INSL6: variants seen among roughly 807,000 people sequenced by gnomAD.
INSL6 encodes the protein insulin like 6.
INSL6 carries 16 observed loss-of-function variants against 9.4 expected under a neutral mutation model. The ratio of observed to expected loss-of-function variants is 1.70; its 90% CI spans 1.15 to 2.59. The LOEUF (loss-of-function observed/expected upper bound fraction) is 2.59, where lower values mean the gene tolerates loss of function less well. INSL6 is among the 30% of genes most tolerant of loss of function. INSL6 has a pLI of 0.00. For missense variants in INSL6, 391 were observed against 257.3 expected, an observed-to-expected ratio of 1.52 and a Z score of -3.56; for synonymous variants, 154 against 96.9, an observed-to-expected ratio of 1.59 and a Z score of -3.46.
chr9:5,055,803 T>A, the INSL6 span: 1 of 1,602,142 alleles, frequency 6.2e-7, no homozygotes, highest in East Asian at 2.2e-5. Context: ...GTTTGCTTTA[T>A]GATTGAATAA....
At chr9:5,066,185 A>G in the INSL6 span, among the ~76,000 whole-genome samples, 1 of 152,158 alleles carries the variant, frequency 6.6e-6, no homozygotes, top group Admixed American at 6.5e-5. Context: ...GAAAACATAA[A>G]AAATTTTAAA....
chr9:5,085,048 C>T, the INSL6 span: 4 of 766,102 alleles, frequency 5.2e-6, no homozygotes, highest in South Asian at 5.3e-5. Context: ...GCGTCTCTTT[C>T]TGGGGATGAG....
At chr9:5,056,930 G>C in the INSL6 span, among the ~76,000 whole-genome samples, 1 of 152,240 alleles carries the variant, frequency 6.6e-6, no homozygotes, top group African/African-American at 2.4e-5. Flanking sequence ...TCAAATGCAT[G>C]CTTTGAAAAC....
chr9:5,017,733 T>G, the INSL6 span, among the ~76,000 whole-genome samples: 1 of 152,248 alleles, frequency 6.6e-6, no homozygotes, highest in Non-Finnish European at 1.5e-5. Flanking sequence ...TTCTTTAAAG[T>G]TGCATATCCA....
the INSL6 span, among the ~76,000 whole-genome samples, chr9:5,081,094 A>T: frequency 6.6e-6 from 1 of 151,386 alleles, no homozygotes; most frequent in Non-Finnish European, 1.5e-5. Flanking sequence ...ACGGGGTTTC[A>T]CCGTGTTAGC....
intron 2 of INSL6, among the ~76,000 whole-genome samples, chr9:5,147,486 T>C (rs948607107): frequency 2.6e-5 from 4 of 152,196 alleles, no homozygotes; most frequent in African/African-American, 9.6e-5. Flanking sequence ...GCTACTGGCT[T>C]GATAGCTCTG....
chr9:5,173,201 C>T (rs988836637), intron 1 of INSL6, among the ~76,000 whole-genome samples: 1 of 152,144 alleles, frequency 6.6e-6, no homozygotes, highest in East Asian at 1.9e-4. Flanking sequence ...TTGTGGAAGA[C>T]AGTGTGGTGA....
At chr9:5,073,431 C>T in the INSL6 span, among the ~76,000 whole-genome samples, 1 of 152,124 alleles carries the variant, frequency 6.6e-6, no homozygotes, top group African/African-American at 2.4e-5. Flanking sequence ...ATGGGTCAAG[C>T]CTGTTTGACT....
the INSL6 span, chr9:5,114,042 G>T: frequency 3.1e-6 from 1 of 319,904 alleles, no homozygotes; most frequent in South Asian, 3.1e-5. Context: ...CATACTGGAG[G>T]ATGAGCTGGC....
chr9:5,117,209 T>C, the INSL6 span, among the ~76,000 whole-genome samples: 1 of 152,246 alleles, frequency 6.6e-6, no homozygotes. Context: ...GAGAAATAAA[T>C]TTCTGTTCTT....
chr9:5,085,484 C>A, the INSL6 span: 2 of 723,940 alleles, frequency 2.8e-6, no homozygotes, highest in South Asian at 2.8e-5. Context: ...CTCTCATGCT[C>A]ATTTTCTTTT....
the INSL6 span, chr9:5,097,428 G>C: frequency 1.3e-5 from 2 of 152,074 alleles, no homozygotes; most frequent in Non-Finnish European, 2.9e-5. Flanking sequence ...CCCATGTCGT[G>C]ACGTATTACT....
At chr9:5,003,602 T>A in the INSL6 span, among the ~76,000 whole-genome samples, 1 of 152,114 alleles carries the variant, frequency 6.6e-6, no homozygotes, top group South Asian at 2.1e-4. Context: ...ACTCAGTGAT[T>A]GGTAGATTCT....
At chr9:5,174,496 T>TCTTTTCTTCCAAACTAAGTAGTTGTCC (rs1825254610) in intron 1 of INSL6, among the ~76,000 whole-genome samples, 1 of 152,184 alleles carries the variant, frequency 6.6e-6, no homozygotes, top group African/African-American at 2.4e-5. Flanking sequence ...TATCACACTC[T>TCTTTTCTTCCAAACTAAGTAGTTGTCC]CTTTTCTTCC....
At chr9:5,011,064 T>C in the INSL6 span, among the ~76,000 whole-genome samples, 1 of 152,242 alleles carries the variant, frequency 6.6e-6, no homozygotes, top group Non-Finnish European at 1.5e-5. Flanking sequence ...CTTTGGTTTT[T>C]AGCAGTTTGG....
At chr9:4,995,457 C>T in the INSL6 span, among the ~76,000 whole-genome samples, 217 of 152,284 alleles carry the variant, frequency 1.4e-3, no homozygotes, top group African/African-American at 4.1e-3. Flanking sequence ...TAAGATGGGA[C>T]GCAACTTTTT....
chr9:5,104,849 A>T, the INSL6 span, among the ~76,000 whole-genome samples: 679 of 152,344 alleles, frequency 4.5e-3, 6 homozygotes, highest in African/African-American at 0.015. Flanking sequence ...TCTTTGACAA[A>T]ATTCTACAGC....
the INSL6 span, chr9:5,077,533 T>C: frequency 6.0e-6 from 9 of 1,489,826 alleles, no homozygotes; most frequent in Non-Finnish European, 8.1e-6. Context: ...AAATATATTA[T>C]GGAAACTTGA....
At chr9:4,995,175 T>A in the INSL6 span, among the ~76,000 whole-genome samples, 1 of 152,214 alleles carries the variant, frequency 6.6e-6, no homozygotes, top group Non-Finnish European at 1.5e-5. Flanking sequence ...ATTCTCCTTT[T>A]TTAGGGAACT....
Sources: allele counts gnomAD v4.1 joint callset (sites outside exome capture counted in the v4.1 genomes callset), GRCh38; gene constraint gnomAD v4.1.1; transcripts MANE v1.5; gene names NCBI Gene and HGNC (gene_info 2026-07-23, HGNC 2026-07-21).